Variants in CELF2 observed in about 807,000 individuals in gnomAD.
CELF2 encodes CUGBP Elav-like family member 2.
CELF2 carries 8 observed loss-of-function variants against 62.6 expected under a neutral mutation model. The observed-to-expected ratio is 0.13, with a 90% CI of 0.07 to 0.23. The LOEUF (loss-of-function observed/expected upper bound fraction) is 0.23. CELF2 is among the 10% of genes least tolerant of loss of function. CELF2 has a pLI of 1.00. For missense variants in CELF2, 333 were observed against 671.0 expected (o/e 0.50, Z 5.56); for synonymous variants, 258 against 250.0 (o/e 1.03, Z -0.30).
the CELF2 span, among the ~76,000 whole-genome samples, chr10:10,547,232 A>G: frequency 6.6e-6 from 1 of 152,158 alleles, no homozygotes; most frequent in Non-Finnish European, 1.5e-5. Context: ...AGAAATATCC[A>G]TGACAAATTC....
the CELF2 span, among the ~76,000 whole-genome samples, chr10:10,653,423 A>G: frequency 2.0e-5 from 3 of 148,738 alleles, no homozygotes; most frequent in Admixed American, 2.0e-4. Context: ...CAATTTTTTC[A>G]GCACCACACC....
At chr10:10,871,754 C>G (rs1324714979) in intron 1 of CELF2, among the ~76,000 whole-genome samples, 2 of 152,026 alleles carry the variant, frequency 1.3e-5, no homozygotes, top group Non-Finnish European at 2.9e-5. Context: ...GACCCAGGAG[C>G]GAGGAGAGAA....
At chr10:11,288,763 A>G (rs1033325638) in intron 9 of CELF2, among the ~76,000 whole-genome samples, 25 of 152,226 alleles carry the variant, frequency 1.6e-4, no homozygotes, top group African/African-American at 5.3e-4. Flanking sequence ...TATGCAAAAA[A>G]GTTTTCAGTG....
At chr10:10,558,012 T>C in the CELF2 span, among the ~76,000 whole-genome samples, 1 of 142,610 alleles carries the variant, frequency 7.0e-6, no homozygotes. Context: ...TTTTCCTAAT[T>C]GAATACCCTT....
chr10:10,932,292 C>T (rs549013786), intron 2 of CELF2, among the ~76,000 whole-genome samples: 15 of 152,118 alleles, frequency 9.9e-5, no homozygotes, highest in African/African-American at 2.7e-4. Flanking sequence ...TCAAAAGGTA[C>T]AGAGATTCAC....
the CELF2 span, among the ~76,000 whole-genome samples, chr10:10,710,812 A>G: frequency 6.6e-6 from 1 of 152,054 alleles, no homozygotes; most frequent in Non-Finnish European, 1.5e-5. Flanking sequence ...TACCCTCCTC[A>G]TTTTCTTTTT....
chr10:11,123,677 A>G (rs1468643756), intron 1 of CELF2, among the ~76,000 whole-genome samples: 1 of 152,212 alleles, frequency 6.6e-6, no homozygotes, highest in African/African-American at 2.4e-5. Flanking sequence ...CTCTTTGCAG[A>G]AAAGAGCCTG....
chr10:11,090,296 A>G (rs989284248), intron 1 of CELF2, among the ~76,000 whole-genome samples: 1 of 152,112 alleles, frequency 6.6e-6, no homozygotes, highest in Non-Finnish European at 1.5e-5. Flanking sequence ...GGATTTTTGT[A>G]TATGTTTGTA....
chr10:10,675,988 C>A, the CELF2 span, among the ~76,000 whole-genome samples: 7 of 152,160 alleles, frequency 4.6e-5, no homozygotes, highest in Non-Finnish European at 8.8e-5. Flanking sequence ...TCAAACTGTG[C>A]TTTTGCCTTT....
the CELF2 span, among the ~76,000 whole-genome samples, chr10:10,561,800 G>T: frequency 1.3e-5 from 2 of 152,140 alleles, no homozygotes; most frequent in African/African-American, 4.8e-5. Context: ...TCCTGGCTGG[G>T]TGTCTTCTAG....
rs765423367 is a variant in CELF2 at position 11,246,017 on chromosome 10, G to A, written c.355-3136G>A. ...TTCCCTTCATACCTGTCAGCCGAGA[G>A]CACTGACTGCGTGATTTCCAGGGTC... On this transcript the variant is annotated intron_variant, in intron 3 of 12. Coordinates refer to ENST00000633077, the MANE Select transcript of CELF2 (RefSeq NM_001326342.2). This position sits in a 1 kb window ranked among gnomAD's most constrained non-coding sequence, Gnocchi z 4.6. Among the ~76,000 whole-genome samples the A allele has an allele frequency of 6.6e-5, 10 of 152,174 alleles. No homozygotes were observed. The highest frequency in any genetic ancestry group is 1.0e-4 in the Non-Finnish European group (7 of 68,038).
intron 3 of CELF2, among the ~76,000 whole-genome samples, chr10:11,221,480 G>C (rs925772482): frequency 1.3e-5 from 2 of 152,154 alleles, no homozygotes; most frequent in Non-Finnish European, 1.5e-5. Context: ...CAGATGTCAG[G>C]GCCAAATATC....
At chr10:10,575,638 T>C in the CELF2 span, among the ~76,000 whole-genome samples, 14 of 152,316 alleles carry the variant, frequency 9.2e-5, no homozygotes, top group Non-Finnish European at 2.1e-4. Context: ...GTTCCAAGAA[T>C]TGAAAGCTTA....
the CELF2 span, among the ~76,000 whole-genome samples, chr10:10,651,055 T>A: frequency 6.6e-6 from 1 of 151,786 alleles, no homozygotes. Context: ...ATTGCCTCAC[T>A]TGGGAAGCGC....
At chr10:11,216,032 G>A (rs1328235095) in intron 2 of CELF2, among the ~76,000 whole-genome samples, 1 of 152,162 alleles carries the variant, frequency 6.6e-6, no homozygotes, top group East Asian at 1.9e-4. Flanking sequence ...AGTCTCTTCA[G>A]GTTGATTCTT....
chr10:10,837,236 G>T (rs2058358795), intron 1 of CELF2, among the ~76,000 whole-genome samples: 1 of 152,200 alleles, frequency 6.6e-6, no homozygotes, highest in South Asian at 2.1e-4. Flanking sequence ...CTGGAGGATT[G>T]TAGTGAATAA....
chr10:10,492,747 A>C, the CELF2 span, among the ~76,000 whole-genome samples: 7 of 152,180 alleles, frequency 4.6e-5, no homozygotes, highest in Admixed American at 4.6e-4. Context: ...CTGTGTCCCC[A>C]CCCAAATTTC....
chr10:11,272,306 G>A (rs755555704), intron 7 of CELF2, among the ~76,000 whole-genome samples: 160 of 152,334 alleles, frequency 1.1e-3, no homozygotes, highest in Non-Finnish European at 2.1e-3. Flanking sequence ...TGACTAATCA[G>A]TCTAAAAATT....
chr10:11,040,848 A>G (rs1219567560), intron 1 of CELF2, among the ~76,000 whole-genome samples: 2 of 151,848 alleles, frequency 1.3e-5, no homozygotes, highest in Non-Finnish European at 2.9e-5. Flanking sequence ...ATATTTTTCC[A>G]TTATTCAGGG....
Sources: allele counts gnomAD v4.1 joint callset (sites outside exome capture counted in the v4.1 genomes callset), GRCh38; gene constraint gnomAD v4.1.1; non-coding constraint Gnocchi (gnomAD v3.1); transcripts MANE v1.5; gene names NCBI Gene and HGNC (gene_info 2026-07-23, HGNC 2026-07-21).